Variants in NDEL1 observed in about 807,000 individuals in gnomAD.
The protein encoded by NDEL1 is nudE neurodevelopment protein 1 like 1, also known as nuclear distribution protein nudE-like 1.
Under a neutral mutation model 45.7 loss-of-function variants are expected in NDEL1, and 9 were observed. The ratio of observed to expected loss-of-function variants is 0.20; its 90% CI spans 0.12 to 0.34. The LOEUF (loss-of-function observed/expected upper bound fraction) is 0.34, where lower values mean the gene tolerates loss of function less well. NDEL1 is among the 10% of genes least tolerant of loss of function. The pLI, the probability that NDEL1 is intolerant of heterozygous loss-of-function variation, is 1.00. For synonymous variants in NDEL1, 133 were observed against 158.6 expected (o/e 0.84, Z 1.21); for missense variants, 306 against 406.2 (o/e 0.75, Z 2.12).
At chr17:8,424,001 A>G (rs1049871982) in intron 1 of NDEL1, among the ~76,000 whole-genome samples, 1 of 152,236 alleles carries the variant, frequency 6.6e-6, no homozygotes, top group African/African-American at 2.4e-5. Flanking sequence ...GTTTGGATGC[A>G]TCCTTATTTT....
chr17:8,463,412 G>A, intron 8 of NDEL1: 1 of 1,523,518 alleles, frequency 6.6e-7, no homozygotes, highest in Non-Finnish European at 9.1e-7. Context: ...GGTGTGTGGT[G>A]GAAGACACAT....
At chr17:8,473,625 G>T (rs1911976381) in intron 3 of NDEL1, among the ~76,000 whole-genome samples, 1 of 152,212 alleles carries the variant, frequency 6.6e-6, no homozygotes, top group African/African-American at 2.4e-5. Context: ...TGGCACAGGA[G>T]GAAGAGGGCA....
chr17:8,435,761 C>A (rs1183278356), upstream of NDEL1: 30 of 345,328 alleles, frequency 8.7e-5, no homozygotes, highest in South Asian at 5.9e-4. Flanking sequence ...GTCAGCGCGC[C>A]GGGCTCTGGC....
At chr17:8,432,659 C>T (rs1909047823), upstream of NDEL1, among the ~76,000 whole-genome samples, 1 of 152,028 alleles carries the variant, frequency 6.6e-6, no homozygotes, top group Non-Finnish European at 1.5e-5. Flanking sequence ...GCTGGGATTA[C>T]AGGCATGAGC....
chr17:8,448,730 A>C, intron 5 of NDEL1, 44 bp downstream of exon 5: 1 of 1,550,334 alleles, frequency 6.5e-7, no homozygotes, highest in Admixed American at 1.9e-5. Context: ...CTTGAACAAC[A>C]TGGGTTTGAA....
At chr17:8,435,125 A>G (rs1452067152), upstream of NDEL1, among the ~76,000 whole-genome samples, 1 of 152,142 alleles carries the variant, frequency 6.6e-6, no homozygotes, top group Non-Finnish European at 1.5e-5. Flanking sequence ...TAAGAGGTAT[A>G]TATATACACA....
Position 8,467,591 on chromosome 17 carries a change from C to T in NDEL1, c.*568C>T, listed in dbSNP as rs1597565693. 1.2e-5 allele frequency: 2 copies of T among 173,554 alleles called. No homozygotes were observed. Among genetic ancestry groups the T allele is most frequent in the South Asian group, 3.9e-4 (2 of 5,084 alleles). The allele number at this position is 173,554 out of a possible 1,614,324, so 10.8% of individuals were successfully genotyped here. On this transcript the variant is annotated 3_prime_UTR_variant, in exon 9 of 9. Coordinates refer to ENST00000334527, the MANE Select transcript of NDEL1 (RefSeq NM_030808.5). The surrounding 1 kb of genome is among the most constrained non-coding windows in gnomAD (Gnocchi z 6.3). Reference sequence around the variant, plus strand: ...CCTTCTGATTTTACTTAAGCAGCTACCATTCCATGGACTTGCCTCCCAGAG... The same window carrying T: ...CCTTCTGATTTTACTTAAGCAGCTATCATTCCATGGACTTGCCTCCCAGAG...
intron 8 of NDEL1, chr17:8,461,269 C>T (rs1173525610): frequency 1.3e-5 from 2 of 152,198 alleles, no homozygotes; most frequent in African/African-American, 4.8e-5. Flanking sequence ...GGCTCTTATC[C>T]TTGCAGTGGA....
chr17:8,451,641 A>T (rs996904250), intron 6 of NDEL1, among the ~76,000 whole-genome samples: 11 of 152,104 alleles, frequency 7.2e-5, no homozygotes, highest in African/African-American at 2.7e-4. Flanking sequence ...GTGTTTTTTT[A>T]AAATCCGGAT....
intron 8 of NDEL1, chr17:8,463,297 T>C (rs1567743826): frequency 1.3e-6 from 2 of 1,598,648 alleles, no homozygotes; most frequent in Admixed American, 1.7e-5. Flanking sequence ...TACTGTTTAA[T>C]ATGTTCTCCT....
At chr17:8,426,049 T>A (rs1908822963) in intron 1 of NDEL1, among the ~76,000 whole-genome samples, 1 of 152,248 alleles carries the variant, frequency 6.6e-6, no homozygotes, top group African/African-American at 2.4e-5. Context: ...CTTAGCCTCC[T>A]AAAGTGTTGG....
At chr17:8,442,016 G>A (rs949345832) in intron 1 of NDEL1, among the ~76,000 whole-genome samples, 7 of 152,130 alleles carry the variant, frequency 4.6e-5, no homozygotes, top group African/African-American at 1.7e-4. Context: ...TCTTATTCAT[G>A]CTACTGGGTT....
upstream of NDEL1, chr17:8,435,752 T>G (rs528489495): frequency 2.9e-6 from 1 of 344,916 alleles, no homozygotes; most frequent in South Asian, 2.0e-5. Context: ...CAGCTTGGCG[T>G]CAGCGCGCCG....
upstream of NDEL1, among the ~76,000 whole-genome samples, chr17:8,431,605 T>C (rs900654692): frequency 6.6e-6 from 1 of 152,144 alleles, no homozygotes; most frequent in Non-Finnish European, 1.5e-5. Context: ...TCGAACAGGG[T>C]GGGTTTGAGG....
chr17:8,415,024 T>A (rs1196419245), intron 1 of NDEL1, among the ~76,000 whole-genome samples: 1 of 152,210 alleles, frequency 6.6e-6, no homozygotes, highest in Non-Finnish European at 1.5e-5. Context: ...CCAGGACTGC[T>A]GAATGTTGTC....
At chr17:8,433,274 A>T (rs895381140), upstream of NDEL1, among the ~76,000 whole-genome samples, 1 of 152,204 alleles carries the variant, frequency 6.6e-6, no homozygotes, top group Admixed American at 6.5e-5. Flanking sequence ...ATCTGTTGAG[A>T]TATCTGTGGT....
chr17:8,445,649 C>A, intron 2 of NDEL1, 62 bp from the exon 3 acceptor site: 1 of 1,544,504 alleles, frequency 6.5e-7, no homozygotes, highest in Non-Finnish European at 8.7e-7. Context: ...TCTATAATCA[C>A]CTCCAAGACA....
At chr17:8,446,280 A>G (rs372004345) in intron 3 of NDEL1, among the ~76,000 whole-genome samples, 1 of 152,190 alleles carries the variant, frequency 6.6e-6, no homozygotes, top group East Asian at 1.9e-4. Flanking sequence ...TTTCCCTTCT[A>G]AAAAGGAATT....
chr17:8,457,147 C>A (rs538328828), intron 7 of NDEL1, among the ~76,000 whole-genome samples: 64 of 152,334 alleles, frequency 4.2e-4, no homozygotes, highest in African/African-American at 1.5e-3. Context: ...CCTAGCATTT[C>A]TGTTTCCCCT....
Sources: gnomAD v4.1 joint callset for allele counts (sites outside exome capture counted in the v4.1 genomes callset) on GRCh38, gnomAD v4.1.1 for gene constraint, Gnocchi (gnomAD v3.1) non-coding constraint, MANE v1.5 for transcripts, NCBI Gene and HGNC (gene_info 2026-07-23, HGNC 2026-07-21) for gene names.